The following NCOA2 variants were observed in gnomAD, a reference collection of about 807,000 sequenced individuals.
NCOA2 encodes nuclear receptor coactivator 2.
A neutral mutation model predicts 145.1 loss-of-function variants in NCOA2; 21 were observed. The ratio of observed to expected loss-of-function variants is 0.14; its 90% CI spans 0.10 to 0.21. The LOEUF (loss-of-function observed/expected upper bound fraction) is 0.21. Among genes scored for constraint, NCOA2 ranks in the 10% least tolerant of loss-of-function variants. The pLI, the probability that NCOA2 is intolerant of heterozygous loss-of-function variation, is 1.00. For synonymous variants in NCOA2, 619 were observed against 637.5 expected, an observed-to-expected ratio of 0.97 and a Z score of 0.44; for missense variants, 1,472 against 1,837.6, an observed-to-expected ratio of 0.80 and a Z score of 3.64.
At chr8:70,441,688 G>A in the NCOA2 span, among the ~76,000 whole-genome samples, 2 of 135,054 alleles carry the variant, frequency 1.5e-5, no homozygotes, top group Non-Finnish European at 1.6e-5. Flanking sequence ...GGGAGAAAAG[G>A]AAGAAGAAAG....
intron 2 of NCOA2, among the ~76,000 whole-genome samples, chr8:70,246,138 C>A (rs1366348780): frequency 1.3e-5 from 2 of 152,004 alleles, no homozygotes; most frequent in African/African-American, 2.4e-5. Flanking sequence ...TCTGGAAACA[C>A]CAGCACAGTA....
chr8:70,353,440 T>C (rs116786967), intron 1 of NCOA2, among the ~76,000 whole-genome samples: 124 of 148,960 alleles, frequency 8.3e-4, no homozygotes, highest in African/African-American at 2.8e-3. Context: ...AAGCCAACTT[T>C]TTCTCCAAAA....
At chr8:70,245,901 C>A (rs1822574763) in intron 2 of NCOA2, among the ~76,000 whole-genome samples, 1 of 152,120 alleles carries the variant, frequency 6.6e-6, no homozygotes, top group Admixed American at 6.6e-5. Context: ...TAGCTATCCA[C>A]ATACTGAGAA....
intron 2 of NCOA2, among the ~76,000 whole-genome samples, chr8:70,254,999 A>G (rs1314351226): frequency 2.0e-5 from 3 of 152,230 alleles, no homozygotes; most frequent in Non-Finnish European, 4.4e-5. Context: ...ATTCTTTGTC[A>G]GCTGCCAAAT....
rs181194456 is a variant in NCOA2, at chr8:70,364,906, T to C, written c.-77+38794A>G. On this transcript the variant is annotated intron_variant, in intron 1 of 22. Coordinates refer to ENST00000452400, the MANE Select transcript of NCOA2 (RefSeq NM_006540.4). ...GTAGAGATTACCATTTCTGTTCATC[T>C]ACTCTGATGTGGTTCCAAGTGTTTC... 5.4e-3 allele frequency among the ~76,000 whole-genome samples: 826 copies of C among 152,158 alleles called. 9 individuals carry two copies. The highest frequency in any genetic ancestry group is 0.019 in the African/African-American group (780 of 41,492).
chr8:70,381,865 T>C (rs1001499378), intron 1 of NCOA2, among the ~76,000 whole-genome samples: 6 of 152,180 alleles, frequency 3.9e-5, no homozygotes, highest in Non-Finnish European at 8.8e-5. Context: ...TGGCATTTTA[T>C]AGGTAAAAAG....
intron 1 of NCOA2, among the ~76,000 whole-genome samples, chr8:70,309,677 G>C (rs369222873): frequency 6.6e-6 from 1 of 151,924 alleles, no homozygotes; most frequent in Non-Finnish European, 1.5e-5. Context: ...TTGGCCAAGC[G>C]CAGTAGCAAG....
intron 1 of NCOA2, among the ~76,000 whole-genome samples, chr8:70,340,201 G>C (rs1330763022): frequency 6.6e-6 from 1 of 151,908 alleles, no homozygotes; most frequent in Non-Finnish European, 1.5e-5. Flanking sequence ...TCTGACAGTG[G>C]TCTGATATCC....
chr8:70,214,931 T>C (rs1819439768), intron 3 of NCOA2, among the ~76,000 whole-genome samples: 1 of 152,124 alleles, frequency 6.6e-6, no homozygotes, highest in Admixed American at 6.5e-5. Flanking sequence ...TATTTTTATA[T>C]ATAATTATTT....
At chr8:70,140,461 T>C (rs1055766551) in intron 14 of NCOA2, among the ~76,000 whole-genome samples, 2 of 152,058 alleles carry the variant, frequency 1.3e-5, no homozygotes, top group Admixed American at 1.3e-4. Flanking sequence ...CTGTAAGACC[T>C]TGCAACCTTC....
At chr8:70,429,898 G>T in the NCOA2 span, among the ~76,000 whole-genome samples, 1 of 152,090 alleles carries the variant, frequency 6.6e-6, no homozygotes, top group Non-Finnish European at 1.5e-5. Flanking sequence ...TTGAGACAGG[G>T]TCGCCCTCCG....
intron 4 of NCOA2, among the ~76,000 whole-genome samples, chr8:70,200,048 A>C (rs1255251392): frequency 1.3e-5 from 2 of 152,138 alleles, no homozygotes; most frequent in African/African-American, 4.8e-5. Context: ...CACTATAACA[A>C]CTATGTATAT....
intron 2 of NCOA2, among the ~76,000 whole-genome samples, chr8:70,240,320 T>C (rs1357159834): frequency 6.6e-6 from 1 of 152,192 alleles, no homozygotes; most frequent in African/African-American, 2.4e-5. Flanking sequence ...GAAAAGTACA[T>C]GGCCTGGTAT....
At position 70,159,242 on chromosome 8, in the gene NCOA2, A is replaced by ATATATATATTT; in HGVS notation, c.1124+262_1124+263insAAATATATATA. Among the ~76,000 whole-genome samples, 256 of 61,062 alleles carry ATATATATATTT rather than the reference A, an allele frequency of 4.2e-3. 9 individuals are homozygous for ATATATATATTT. Among genetic ancestry groups the ATATATATATTT allele is most frequent in the East Asian group, 0.036 (124 of 3,438 alleles). The allele number at this position is 61,062 out of a possible 152,430, so 40.1% of individuals were successfully genotyped here. A position where few individuals can be genotyped will look rare whatever the true frequency, so the allele number is the denominator to read the frequency against. On this transcript the variant is annotated intron_variant, in intron 10 of 22. Coordinates refer to ENST00000452400, the MANE Select transcript of NCOA2 (RefSeq NM_006540.4). ...TAACATTATATATATATATATATAT[A>ATATATATATTT]TTTTTTTTTTTTTCCCCCAAATATT...
intron 1 of NCOA2, among the ~76,000 whole-genome samples, chr8:70,402,781 C>G (rs1814441396): frequency 6.6e-6 from 1 of 151,728 alleles, no homozygotes. Context: ...CCTCCCGCCC[C>G]CGGCCCCGGC....
chr8:70,342,344 TCTTA>T (rs1808211585), intron 1 of NCOA2, among the ~76,000 whole-genome samples: 1 of 152,162 alleles, frequency 6.6e-6, no homozygotes, highest in East Asian at 1.9e-4. Flanking sequence ...TCAAAGCTTC[TCTTA>T]CTAAGTGGCT....
intron 1 of NCOA2, among the ~76,000 whole-genome samples, chr8:70,300,485 T>G (rs1050223349): frequency 2.0e-5 from 3 of 152,166 alleles, no homozygotes. Context: ...ACCTGCCAAG[T>G]AGAGCATCAA....
chr8:70,116,836 G>C (rs906443257), intron 22 of NCOA2, among the ~76,000 whole-genome samples: 1 of 152,214 alleles, frequency 6.6e-6, no homozygotes, highest in Non-Finnish European at 1.5e-5. Flanking sequence ...AAAAAACAGG[G>C]AAAGTTGACG....
the NCOA2 span, among the ~76,000 whole-genome samples, chr8:70,453,067 T>C: frequency 6.6e-6 from 1 of 152,330 alleles, no homozygotes; most frequent in East Asian, 1.9e-4. Flanking sequence ...TAATATTTAT[T>C]AGTACAGAAG....
Sources: allele counts gnomAD v4.1 joint callset (sites outside exome capture counted in the v4.1 genomes callset), GRCh38; gene constraint gnomAD v4.1.1; transcripts MANE v1.5; gene names NCBI Gene and HGNC (gene_info 2026-07-23, HGNC 2026-07-21).